The following RGS9 variants were observed in gnomAD, a reference collection of about 807,000 sequenced individuals.
The protein encoded by RGS9 is regulator of G protein signaling 9.
A neutral mutation model predicts 102.0 loss-of-function variants in RGS9; 78 were observed. That is an observed-to-expected ratio of 0.76 (90% CI 0.64 to 0.92). RGS9 has a LOEUF of 0.92. Ranked by LOEUF, RGS9 falls within the 40% of genes least tolerant of loss-of-function variation. RGS9 has a pLI of 0.00. For synonymous variants in RGS9, 353 were observed against 318.6 expected, an observed-to-expected ratio of 1.11 and a Z score of -1.15; for missense variants, 833 against 866.1, an observed-to-expected ratio of 0.96 and a Z score of 0.48.
chr17:65,191,602 C>A (rs1353057906), intron 11 of RGS9, among the ~76,000 whole-genome samples: 1 of 151,914 alleles, frequency 6.6e-6, no homozygotes, highest in Non-Finnish European at 1.5e-5. Context: ...CAAAAATTAG[C>A]CAGGAATGGT....
chr17:65,160,796 T>C (rs1272163773), intron 5 of RGS9, 55 bp from the exon 6 acceptor site: 2 of 1,572,484 alleles, frequency 1.3e-6, no homozygotes, highest in Non-Finnish European at 1.8e-6. Context: ...TTAGGGAGGC[T>C]GCAGATGGGG....
chr17:65,148,704 A>AT lies in RGS9; in HGVS notation c.58-4710dup, dbSNP rs1200943964. Among the ~76,000 whole-genome samples the AT allele has an allele frequency of 4.0e-5, 6 of 151,466 alleles. No homozygotes were observed. The East Asian group carries it at 5.8e-4, about 15-fold the overall frequency. The stretch of plus-strand genomic sequence containing the variant: ...TCATCTCAGCCAGTCTGCAGTTGCT[A>AT]TTTTTTTTGTGGGTAGGTGTGGGGA... On this transcript the variant is annotated intron_variant, in intron 1 of 18. Transcript: ENST00000262406.
At chr17:65,147,669 C>A (rs542375842) in intron 1 of RGS9, among the ~76,000 whole-genome samples, 29 of 148,228 alleles carry the variant, frequency 2.0e-4, no homozygotes, top group African/African-American at 6.4e-4. Flanking sequence ...CAGCTCACTG[C>A]AACCTCCACC....
intron 9 of RGS9, among the ~76,000 whole-genome samples, chr17:65,186,294 T>TAAAGCAATTCTCCTGGGTC (rs1263111543): frequency 6.6e-6 from 1 of 151,776 alleles, no homozygotes; most frequent in African/African-American, 2.4e-5. Context: ...CTTCCTGGGT[T>TAAAGCAATTCTCCTGGGTC]CAAGCAATTC....
At chr17:65,222,335 A>G (rs8065438) in intron 17 of RGS9, among the ~76,000 whole-genome samples, 10,968 of 152,286 alleles carry the variant, frequency 0.072, 1,311 homozygotes, top group African/African-American at 0.25. Flanking sequence ...GAGCTCACCC[A>G]GACACTCCCC....
chr17:65,225,693 T>C (rs1232129617), intron 18 of RGS9: 1 of 633,868 alleles, frequency 1.6e-6, no homozygotes, highest in East Asian at 2.8e-5. Context: ...GGAACAGGTG[T>C]CCTTCTTTTT....
intron 14 of RGS9, among the ~76,000 whole-genome samples, chr17:65,203,899 C>T (rs1912946794): frequency 6.6e-6 from 1 of 152,126 alleles, no homozygotes; most frequent in South Asian, 2.1e-4. Flanking sequence ...GACCTGGGCC[C>T]CAGCCCCTTC....
At chr17:65,197,295 C>G (rs1452940487) in intron 13 of RGS9, 54 bp downstream of exon 13, 3 of 1,149,144 alleles carry the variant, frequency 2.6e-6, no homozygotes, top group Admixed American at 1.9e-5. Flanking sequence ...AGAAAGAGTC[C>G]TTTAATGTCT....
rs369592987 is a variant in RGS9 at position 65,210,086 on chromosome 17, AC to A, written c.1290-396del. ...CAGAGAGACTCTGTCCCCGCTGCCC[AC>A]CCCCCAACCGCCCCAAAAAAGAAAA... On this transcript the variant is annotated intron_variant, in intron 16 of 18. Coordinates refer to ENST00000262406, the MANE Select transcript of RGS9 (RefSeq NM_003835.4). Among the ~76,000 whole-genome samples the A allele has an allele frequency of 8.6e-5, 13 of 151,256 alleles. No individual in the cohort carries two copies. In the East Asian group the frequency reaches 2.1e-3, roughly 25 times the overall value.
rs1300653115 is a variant in RGS9, at chr17:65,148,916, T to G, written c.58-4506T>G. Among the ~76,000 whole-genome samples, 5 of 152,154 alleles carry G rather than the reference T, an allele frequency of 3.3e-5. No homozygotes were observed. In the East Asian group the frequency reaches 9.6e-4, roughly 29 times the overall value. On this transcript the variant is annotated intron_variant, in intron 1 of 18. Coordinates refer to ENST00000262406, the MANE Select transcript of RGS9 (RefSeq NM_003835.4). ...AAATGCTTTGTATGCTTAATCTCAT[T>G]TAGTCTTTGCAATATCCCTACGATG...
intron 9 of RGS9, among the ~76,000 whole-genome samples, chr17:65,183,628 T>C (rs1422541202): frequency 6.6e-6 from 1 of 152,172 alleles, no homozygotes; most frequent in Non-Finnish European, 1.5e-5. Context: ...TAACCACTTG[T>C]GTTTCTGGAT....
chr17:65,209,781 G>T (rs1453908437), intron 16 of RGS9, among the ~76,000 whole-genome samples: 2 of 152,182 alleles, frequency 1.3e-5, no homozygotes, highest in East Asian at 3.8e-4. Context: ...CATAGCTTTT[G>T]AAAACAAATG....
intron 2 of RGS9, among the ~76,000 whole-genome samples, chr17:65,156,178 A>G (rs1254748980): frequency 1.3e-5 from 2 of 152,074 alleles, no homozygotes; most frequent in Non-Finnish European, 2.9e-5. Flanking sequence ...ACCCACCACC[A>G]CATCCAACTA....
At chr17:65,190,307 T>C in intron 11 of RGS9, 71 bp downstream of exon 11, 3 of 1,206,082 alleles carry the variant, frequency 2.5e-6, no homozygotes, top group Non-Finnish European at 3.7e-6. Context: ...TTCTGCAAAC[T>C]CGACAAGTCC....
intron 13 of RGS9, among the ~76,000 whole-genome samples, chr17:65,198,259 C>CT (rs56726922): frequency 0.027 from 3,872 of 145,360 alleles, 62 homozygotes; most frequent in Non-Finnish European, 0.038. Context: ...GGAACTGTGA[C>CT]TTTTTTTTTT....
At position 65,208,012 on chromosome 17, in the gene RGS9, G is replaced by A. The variant is rs1406137221; in HGVS notation, c.1289+5G>A. 6.2e-7 allele frequency: 1 copy of A among 1,602,992 alleles called. No individual in the cohort carries two copies. The highest frequency in any genetic ancestry group is 1.1e-5 in the South Asian group (1 of 90,840). ...TCAGGAAACCACCAAGAAAAGGCAAGTGGAATTATCTGTAATTGCTGGCTG... is the reference window on the plus strand; with the variant it reads ...TCAGGAAACCACCAAGAAAAGGCAAATGGAATTATCTGTAATTGCTGGCTG... On this transcript the variant is annotated splice_donor_5th_base_variant and intron_variant, in intron 16 of 18. Coordinates refer to ENST00000262406, the MANE Select transcript of RGS9 (RefSeq NM_003835.4).
intron 4 of RGS9, 74 bp downstream of exon 4, chr17:65,160,413 C>T: frequency 6.4e-7 from 1 of 1,557,238 alleles, no homozygotes; most frequent in East Asian, 2.2e-5. Context: ...CATAGTTTCA[C>T]AGATCAAGGA....
chr17:65,183,597 C>G (rs1911984965), intron 9 of RGS9, among the ~76,000 whole-genome samples: 2 of 152,126 alleles, frequency 1.3e-5, no homozygotes, highest in Non-Finnish European at 2.9e-5. Flanking sequence ...GCACCCGGCT[C>G]CATCTCTTTT....
At chr17:65,158,856 C>T (rs1041361456) in intron 3 of RGS9, 4 of 257,774 alleles carry the variant, frequency 1.6e-5, no homozygotes, top group Non-Finnish European at 3.0e-5. Context: ...TTGAGCATGG[C>T]AATGTGCCTG....
Sources: allele counts gnomAD v4.1 joint callset (sites outside exome capture counted in the v4.1 genomes callset), GRCh38; gene constraint gnomAD v4.1.1; transcripts MANE v1.5; gene names NCBI Gene and HGNC (gene_info 2026-07-23, HGNC 2026-07-21).